Variants in PAK1 observed in about 807,000 individuals in gnomAD.
The protein encoded by PAK1 is p21 (RAC1) activated kinase 1, also known as serine/threonine-protein kinase PAK 1.
In PAK1, 29 loss-of-function variants were observed where a neutral mutation model predicts 67.4. That is an observed-to-expected ratio of 0.43 (90% CI 0.32 to 0.59). The LOEUF (loss-of-function observed/expected upper bound fraction) is 0.59, where lower values mean the gene tolerates loss of function less well. Ranked by LOEUF, PAK1 falls within the 20% of genes least tolerant of loss-of-function variation. The pLI is 0.07. For missense variants in PAK1, 337 were observed against 670.7 expected, an observed-to-expected ratio of 0.50 and a Z score of 5.50; for synonymous variants, 223 against 237.4, an observed-to-expected ratio of 0.94 and a Z score of 0.56.
the PAK1 span, among the ~76,000 whole-genome samples, chr11:77,495,988 G>A: frequency 6.6e-6 from 1 of 151,170 alleles, no homozygotes. Flanking sequence ...GCACAACAAT[G>A]TGCATGTACT....
chr11:77,428,525 T>C lies in PAK1; in HGVS notation c.-21-35984A>G, dbSNP rs574073738. 4.6e-5 allele frequency among the ~76,000 whole-genome samples: 7 copies of C among 151,098 alleles called. No individual in the cohort carries two copies. In the East Asian group the frequency reaches 7.9e-4, roughly 17 times the overall value. On this transcript the variant is annotated intron_variant, in intron 1 of 14. Transcript: ENST00000356341. ...AGGCGGAGGTTGCAGTGAGCCGAGA[T>C]TGCACCACTGCACTCCAGCCTGGGC... is the stretch of plus-strand genomic sequence containing the variant.
intron 9 of PAK1, among the ~76,000 whole-genome samples, chr11:77,345,735 A>G (rs1408231462): frequency 6.6e-6 from 1 of 152,208 alleles, no homozygotes; most frequent in Non-Finnish European, 1.5e-5. Context: ...ATAACAGCTG[A>G]GCATTAGTTT....
intron 1 of PAK1, among the ~76,000 whole-genome samples, chr11:77,443,255 C>A (rs1480823825): frequency 1.3e-5 from 2 of 148,414 alleles, no homozygotes; most frequent in African/African-American, 5.0e-5. Flanking sequence ...GCAGAGGTTG[C>A]AGTGAGCCGT....
intron 1 of PAK1, among the ~76,000 whole-genome samples, chr11:77,434,855 G>A (rs1362899531): frequency 6.6e-6 from 1 of 152,082 alleles, no homozygotes; most frequent in Non-Finnish European, 1.5e-5. Flanking sequence ...CTGAGCTCAA[G>A]AGATCTGCCT....
chr11:77,332,978 T>A, intron 13 of PAK1, 111 bp from the exon 14 acceptor site: 3 of 965,024 alleles, frequency 3.1e-6, no homozygotes, highest in Non-Finnish European at 4.9e-6. Flanking sequence ...GGATGCAAAG[T>A]AGCAGCTGTG....
chr11:77,355,639 A>G, intron 7 of PAK1, 29 bp downstream of exon 7: 1 of 1,587,138 alleles, frequency 6.3e-7, no homozygotes, highest in Non-Finnish European at 8.6e-7. Context: ...TAAAACGAAG[A>G]AAGGTTCAGA....
At chr11:77,338,286 A>G (rs1266583729) in intron 11 of PAK1, among the ~76,000 whole-genome samples, 1 of 152,204 alleles carries the variant, frequency 6.6e-6, no homozygotes, top group Non-Finnish European at 1.5e-5. Flanking sequence ...CACTAAAGAT[A>G]TAAGTGAACA....
chr11:77,373,461 G>A (rs1464318330), intron 5 of PAK1, among the ~76,000 whole-genome samples: 1 of 151,806 alleles, frequency 6.6e-6, no homozygotes, highest in Non-Finnish European at 1.5e-5. Flanking sequence ...TCAGAGGGCT[G>A]GGGCAGGAGC....
At chr11:77,522,004 T>C in the PAK1 span, among the ~76,000 whole-genome samples, 451 of 152,372 alleles carry the variant, frequency 3.0e-3, 3 homozygotes, top group African/African-American at 0.011. Flanking sequence ...TCTCTAGTCC[T>C]CATTTTCATT....
At chr11:77,424,640 G>T (rs945528290) in intron 1 of PAK1, among the ~76,000 whole-genome samples, 3 of 152,092 alleles carry the variant, frequency 2.0e-5, no homozygotes, top group African/African-American at 7.2e-5. Context: ...TTAAATCCTG[G>T]TGCCTTTCTT....
At chr11:77,411,247 T>C (rs571961441) in intron 1 of PAK1, among the ~76,000 whole-genome samples, 40 of 151,940 alleles carry the variant, frequency 2.6e-4, no homozygotes, top group Admixed American at 2.6e-3. Flanking sequence ...AGCTCACCTC[T>C]CCAAAAGATG....
intron 2 of PAK1, among the ~76,000 whole-genome samples, chr11:77,391,362 C>T (rs1223986884): frequency 6.6e-6 from 1 of 152,166 alleles, no homozygotes; most frequent in Non-Finnish European, 1.5e-5. Context: ...GTAGTCTTCA[C>T]AACAACCCTG....
chr11:77,423,664 G>C (rs1022142975), intron 1 of PAK1, among the ~76,000 whole-genome samples: 18 of 152,274 alleles, frequency 1.2e-4, no homozygotes, highest in Admixed American at 9.2e-4. Context: ...ACCATTATTA[G>C]TTAAAGTAGG....
chr11:77,448,296 A>G (rs555276439), intron 1 of PAK1, among the ~76,000 whole-genome samples: 1 of 152,368 alleles, frequency 6.6e-6, no homozygotes, highest in East Asian at 1.9e-4. Context: ...AAGTTACTCA[A>G]TGCGTGGTAC....
In PAK1 at chr11:77,437,653, C is replaced by T. The variant is rs564733890; in HGVS notation, c.-22+35899G>A. On this transcript the variant is annotated intron_variant, in intron 1 of 14. Coordinates refer to ENST00000356341, the MANE Select transcript of PAK1 (RefSeq NM_002576.5). ...GAGGACAGGGATGCAACTAAACATC[C>T]TATGAGGCACAGGACAGCCCCATAC... 2.1e-3 allele frequency among the ~76,000 whole-genome samples: 321 copies of T among 152,198 alleles called. 2 individuals are homozygous for T. The highest frequency in any genetic ancestry group is 4.1e-3 in the Non-Finnish European group (281 of 68,014).
intron 5 of PAK1, among the ~76,000 whole-genome samples, chr11:77,371,418 CAG>C (rs2136918900): frequency 6.6e-6 from 1 of 152,276 alleles, no homozygotes; most frequent in Non-Finnish European, 1.5e-5. Context: ...AGGATTAAGA[CAG>C]TGCACGTTCA....
the PAK1 span, among the ~76,000 whole-genome samples, chr11:77,493,120 G>T: frequency 1.3e-5 from 2 of 152,204 alleles, no homozygotes; most frequent in East Asian, 1.9e-4. Context: ...ATACCAGCAT[G>T]CCTGGCTAAT....
chr11:77,474,331 T>G (rs888104796), upstream of PAK1: 1 of 151,794 alleles, frequency 6.6e-6, no homozygotes, highest in South Asian at 2.1e-4. Flanking sequence ...CTGGCCCGCA[T>G]GAGGGCGAAC....
chr11:77,397,231 C>T (rs1297270827), intron 1 of PAK1: 6 of 152,212 alleles, frequency 3.9e-5, no homozygotes, highest in Non-Finnish European at 8.8e-5. Flanking sequence ...CCCAGAGGCT[C>T]AGGGAACCTA....
Sources: gnomAD v4.1 joint callset for allele counts (sites outside exome capture counted in the v4.1 genomes callset) on GRCh38, gnomAD v4.1.1 for gene constraint, MANE v1.5 for transcripts, NCBI Gene and HGNC (gene_info 2026-07-23, HGNC 2026-07-21) for gene names.